Variants in BCL9 observed in about 807,000 individuals in gnomAD.
BCL9 encodes BCL9 transcription coactivator, also known as B-cell CLL/lymphoma 9 protein.
BCL9 carries 25 observed loss-of-function variants against 88.5 expected under a neutral mutation model. That is an observed-to-expected ratio of 0.28 (90% confidence interval 0.21 to 0.39). BCL9 has a LOEUF of 0.39. Among genes scored for constraint, BCL9 ranks in the 10% least tolerant of loss-of-function variants. The pLI, the probability that BCL9 is intolerant of heterozygous loss-of-function variation, is 1.00. For synonymous variants in BCL9, 711 were observed against 673.3 expected (o/e 1.06, Z -0.87); for missense variants, 1,817 against 1,877.8 (o/e 0.97, Z 0.60).
intron 7 of BCL9, among the ~76,000 whole-genome samples, chr1:147,617,773 A>G (rs976147130): frequency 1.3e-5 from 2 of 152,218 alleles, no homozygotes; most frequent in Admixed American, 1.3e-4. Context: ...TTAAGCGAAC[A>G]AGTAGGAGCA....
rs587771818 is a variant in BCL9, at chr1:147,614,673, T to G, written c.560+57T>G. The G allele has an allele frequency of 9.5e-6, 14 of 1,475,390 alleles. No homozygotes were observed. The East Asian group carries it at 3.2e-4, about 34-fold the overall frequency. 91.4% of individuals were successfully genotyped at this position (1,475,390 alleles called of 1,614,324 possible). ...AGGGCTTGTCTGGGGACCTAAATTC[T>G]TATTCCCATTGCAGATTGATCTTTT... On this transcript the variant is annotated intron_variant, in intron 6 of 9. Transcript: ENST00000234739.
intron 1 of BCL9, among the ~76,000 whole-genome samples, chr1:147,575,039 A>T (rs1656048941): frequency 6.6e-6 from 1 of 152,206 alleles, no homozygotes; most frequent in African/African-American, 2.4e-5. Flanking sequence ...AGAAGACTGT[A>T]CAAAAAAGAC....
chr1:147,591,610 T>C (rs1456351354), intron 1 of BCL9, among the ~76,000 whole-genome samples: 3 of 152,196 alleles, frequency 2.0e-5, no homozygotes, highest in African/African-American at 7.2e-5. Context: ...ACTGCCATTA[T>C]GTTTGTTTCT....
chr1:147,575,476 C>T (rs1330053263), intron 1 of BCL9, among the ~76,000 whole-genome samples: 1 of 152,160 alleles, frequency 6.6e-6, no homozygotes, highest in Non-Finnish European at 1.5e-5. Context: ...AATGAATTGT[C>T]AGAAGTTACC....
chr1:147,547,199 A>T (rs1553194349), intron 1 of BCL9, among the ~76,000 whole-genome samples: 1 of 152,142 alleles, frequency 6.6e-6, no homozygotes. Flanking sequence ...TGTGTATAAA[A>T]TATGTGTGTG....
rs782710198 is a variant in BCL9, at chr1:147,619,024, G to A, written c.869G>A (p.Gly290Glu). The A allele has an allele frequency of 1.9e-6, 3 of 1,609,844 alleles. No homozygotes were observed. In the South Asian group the frequency reaches 3.3e-5, roughly 18 times the overall value. Reference sequence around the variant, plus strand: ...GAAAACAAACTGATTCCTTCTGTAGGAAGTCCTGCCAGCTCCACTCCACTG... The same window carrying A: ...GAAAACAAACTGATTCCTTCTGTAGAAAGTCCTGCCAGCTCCACTCCACTG... Reference protein sequence around the residue: ...GVENKLIPSVGSPASSTPLPP... With the variant: ...GVENKLIPSVESPASSTPLPP... The change falls in exon 8 of 10, where the codon GGA (glycine) becomes GAA (glutamate). Residue 290 changes from glycine (G) to glutamate (E), a missense_variant. Gly to Glu is a moderately conservative substitution (Grantham distance 98). Transcript: ENST00000234739. The surrounding 1 kb of genome is among the most constrained non-coding windows in gnomAD (Gnocchi z 4.1).
intron 1 of BCL9, among the ~76,000 whole-genome samples, chr1:147,595,297 G>A (rs1235203745): frequency 6.6e-6 from 1 of 152,196 alleles, no homozygotes; most frequent in Non-Finnish European, 1.5e-5. Context: ...AGGATTCTAT[G>A]GAGACAAAGT....
chr1:147,620,260 G>A lies in BCL9; in HGVS notation c.2105G>A (p.Gly702Asp). 6.2e-7 allele frequency: 1 copy of A among 1,614,122 alleles called. No individual in the cohort carries two copies. The highest frequency in any genetic ancestry group is 1.3e-5 in the African/African-American group (1 of 75,058). ...DFPKGIPPQM[G>D]PGRELEFGMV... ...CCAAAAGGAATTCCCCCACAGATGG[G>A]CCCTGGTCGGGAACTTGAGTTTGGG... is the stretch of plus-strand genomic sequence containing the variant. The change falls in exon 8 of 10, where the codon GGC becomes GAC. Residue 702 changes from glycine to aspartate, a missense_variant. Gly to Asp is a moderately conservative substitution (Grantham distance 94, BLOSUM62 -1). This residue lies in a region of BCL9 where 1,228 missense variants were observed against 1,191.6 expected (regional missense o/e 1.03). Coordinates refer to ENST00000234739, the MANE Select transcript of BCL9 (RefSeq NM_004326.4).
chr1:147,565,602 T>C (rs797027998), intron 1 of BCL9, among the ~76,000 whole-genome samples: 17 of 152,318 alleles, frequency 1.1e-4, no homozygotes, highest in African/African-American at 3.8e-4. Context: ...CTTTGGGAGC[T>C]AGAGTGTTCT....
intron 1 of BCL9, among the ~76,000 whole-genome samples, chr1:147,599,589 C>G (rs978897141): frequency 6.6e-6 from 1 of 151,968 alleles, no homozygotes; most frequent in Non-Finnish European, 1.5e-5. Flanking sequence ...GAGACCCTCC[C>G]GTGCCGAACC....
At chr1:147,593,456 C>T (rs1656926031) in intron 1 of BCL9, among the ~76,000 whole-genome samples, 1 of 152,152 alleles carries the variant, frequency 6.6e-6, no homozygotes, top group Non-Finnish European at 1.5e-5. Flanking sequence ...CTCTGACTCT[C>T]CTGCCTGAAC....
intron 1 of BCL9, among the ~76,000 whole-genome samples, chr1:147,553,805 GA>G (rs1486545122): frequency 1.3e-5 from 2 of 152,092 alleles, no homozygotes; most frequent in Non-Finnish European, 2.9e-5. Flanking sequence ...GAACTGATAG[GA>G]TTACTTCCTT....
chr1:147,593,771 A>T (rs900137216), intron 1 of BCL9, among the ~76,000 whole-genome samples: 2 of 152,210 alleles, frequency 1.3e-5, no homozygotes, highest in Middle Eastern at 3.2e-3. Flanking sequence ...CAAGCCCTGT[A>T]CTTAGTAGTT....
Position 147,624,261 on chromosome 1 carries a change from C to G in BCL9, c.3583C>G (p.Pro1195Ala). ...QSSADAALCKPGGPGGPDSFT... is the reference protein window; with the variant it reads ...QSSADAALCKAGGPGGPDSFT... ...TTCAGCAGATGCAGCACTTTGCAAG[C>G]CTGGAGGCCCCGGGGGTCCTGACTC... Residue 1195 changes from proline to alanine, a missense_variant, in exon 10 of 10, where the codon CCT becomes GCT. Coordinates refer to ENST00000234739, the MANE Select transcript of BCL9 (RefSeq NM_004326.4). This position sits in a 1 kb window ranked among gnomAD's most constrained non-coding sequence, Gnocchi z 4.4. 1 of 1,614,230 alleles carries G rather than the reference C, an allele frequency of 6.2e-7. No individual in the cohort carries two copies. Among genetic ancestry groups the G allele is most frequent in the Non-Finnish European group, 8.5e-7 (1 of 1,180,032 alleles).
At chr1:147,560,151 G>A (rs1220520832) in intron 1 of BCL9, among the ~76,000 whole-genome samples, 2 of 152,198 alleles carry the variant, frequency 1.3e-5, no homozygotes, top group African/African-American at 4.8e-5. Flanking sequence ...TTGTTGGTAG[G>A]CAAGGTGTGT....
intron 3 of BCL9, among the ~76,000 whole-genome samples, chr1:147,607,458 G>A (rs587776286): frequency 6.6e-6 from 1 of 152,270 alleles, no homozygotes; most frequent in South Asian, 2.1e-4. Flanking sequence ...TGGTCTAGTG[G>A]GAGAGATGAA....
Position 147,569,807 on chromosome 1 carries a change from T to C in BCL9, c.-478+28133T>C, listed in dbSNP as rs1439930232. ...GGCAGTGAGAAAGAGGAGGAAGGGA[T>C]GTATTTAAAACATTTTGGAGATAGA... On this transcript the variant is annotated intron_variant, in intron 1 of 9. Transcript: ENST00000234739. Among the ~76,000 whole-genome samples the C allele has an allele frequency of 4.6e-5, 7 of 152,172 alleles. No homozygotes were observed. In the East Asian group the frequency reaches 1.4e-3, roughly 29 times the overall value.
chr1:147,545,801 T>G (rs1342063882), intron 1 of BCL9, among the ~76,000 whole-genome samples: 1 of 152,224 alleles, frequency 6.6e-6, no homozygotes, highest in Non-Finnish European at 1.5e-5. Flanking sequence ...TTTAATGCAC[T>G]TTAAAATATC....
At chr1:147,615,935 A>G (rs1553203767) in intron 7 of BCL9, 33 bp downstream of exon 7, 5 of 1,569,788 alleles carry the variant, frequency 3.2e-6, no homozygotes, top group Non-Finnish European at 4.4e-6. Flanking sequence ...TAATGGTTTA[A>G]TGATTCTACA....
Sources: allele counts gnomAD v4.1 joint callset (sites outside exome capture counted in the v4.1 genomes callset), GRCh38; gene constraint gnomAD v4.1.1; regional missense constraint gnomAD v4.1.1; non-coding constraint Gnocchi (gnomAD v3.1); transcripts MANE v1.5; gene names NCBI Gene and HGNC (gene_info 2026-07-23, HGNC 2026-07-21).